The following XKR3 variants were observed in gnomAD, a reference collection of about 807,000 sequenced individuals.
XKR3 encodes XK related 3, also known as XK-related protein 3.
A neutral mutation model predicts 40.3 loss-of-function variants in XKR3; 27 were observed. The ratio of observed to expected loss-of-function variants is 0.67; its 90% CI spans 0.49 to 0.92. The LOEUF (loss-of-function observed/expected upper bound fraction) is 0.92. XKR3 is among the 40% of genes least tolerant of loss of function. XKR3 has a pLI of 0.00. For missense variants in XKR3, 472 were observed against 537.6 expected, an observed-to-expected ratio of 0.88 and a Z score of 1.21; for synonymous variants, 193 against 195.4, an observed-to-expected ratio of 0.99 and a Z score of 0.10.
intron 3 of XKR3, among the ~76,000 whole-genome samples, chr22:16,788,188 G>A (rs1253951221): frequency 6.6e-6 from 1 of 151,988 alleles, no homozygotes; most frequent in Non-Finnish European, 1.5e-5. Context: ...ACATACTCCT[G>A]AACAACCAGT....
intron 1 of XKR3, among the ~76,000 whole-genome samples, chr22:16,823,398 C>T (rs1437912687): frequency 6.6e-6 from 1 of 152,124 alleles, no homozygotes; most frequent in East Asian, 1.9e-4. Context: ...CTTAGAAACA[C>T]AGAATTGACA....
At chr22:16,794,302 G>A (rs1333860692) in intron 3 of XKR3, among the ~76,000 whole-genome samples, 3 of 151,820 alleles carry the variant, frequency 2.0e-5, no homozygotes, top group Non-Finnish European at 4.4e-5. Flanking sequence ...ACAAAAGAAA[G>A]GAAACAAACA....
chr22:16,799,914 A>G lies in XKR3; in HGVS notation c.446T>C (p.Ile149Thr). The change falls in exon 3 of 4, where the codon ATT (isoleucine) becomes ACT (threonine). Residue 149 changes from isoleucine (I) to threonine (T), a missense_variant. Transcript: ENST00000684488. ...TKRNTMLERE[I>T]AFSIRDNFMQ... ...GAAATTATCCCGGATTGAGAATGCA[A>G]TCTCCCTTTCCAGCATCGTGTTTCT... is the stretch of plus-strand genomic sequence containing the variant. 1.9e-6 allele frequency: 3 copies of G among 1,614,084 alleles called. No homozygotes were observed. Among genetic ancestry groups the G allele is most frequent in the Non-Finnish European group, 2.5e-6 (3 of 1,180,004 alleles).
chr22:16,824,930 G>C (rs2060268063), intron 1 of XKR3, among the ~76,000 whole-genome samples: 1 of 152,194 alleles, frequency 6.6e-6, no homozygotes, highest in Non-Finnish European at 1.5e-5. Context: ...TTGTGATTAA[G>C]TGAACTTGTT....
intron 1 of XKR3, among the ~76,000 whole-genome samples, chr22:16,823,796 G>C (rs967658490): frequency 2.1e-5 from 2 of 94,016 alleles, no homozygotes; most frequent in African/African-American, 7.1e-5. Flanking sequence ...GGGTACTCAA[G>C]TACTAAAAGG....
intron 3 of XKR3, among the ~76,000 whole-genome samples, chr22:16,785,640 G>A (rs1292798728): frequency 3.9e-5 from 6 of 152,064 alleles, no homozygotes; most frequent in African/African-American, 1.4e-4. Flanking sequence ...TGAGGTGGGT[G>A]TATCAAGAGG....
chr22:16,797,943 G>A (rs1484799640), intron 3 of XKR3, among the ~76,000 whole-genome samples: 1 of 151,918 alleles, frequency 6.6e-6, no homozygotes, highest in Non-Finnish European at 1.5e-5. Flanking sequence ...GGAGGCTGAG[G>A]TGGGTGGATA....
chr22:16,784,963 G>A (rs1279242161), intron 3 of XKR3, among the ~76,000 whole-genome samples: 1 of 152,172 alleles, frequency 6.6e-6, no homozygotes, highest in Non-Finnish European at 1.5e-5. Flanking sequence ...GACAGATTCT[G>A]CTGAGTGATG....
In XKR3 at chr22:16,783,520, C is replaced by T; in HGVS notation, c.*99G>A. 5 of 984,868 alleles carry T rather than the reference C, an allele frequency of 5.1e-6. No individual in the cohort carries two copies. Among genetic ancestry groups the T allele is most frequent in the Non-Finnish European group, 7.0e-6 (5 of 712,826 alleles). 61.0% of individuals were successfully genotyped at this position (984,868 alleles called of 1,614,324 possible). On this transcript the variant is annotated 3_prime_UTR_variant, in exon 4 of 4. Coordinates refer to ENST00000684488, the MANE Select transcript of XKR3 (RefSeq NM_001386955.1). Reference sequence around the variant, plus strand: ...AAATGAATTTTATTAGAAACCACTTCCAAGATTTTGCTGTGTATATTTTTT... The same window carrying T: ...AAATGAATTTTATTAGAAACCACTTTCAAGATTTTGCTGTGTATATTTTTT...
At chr22:16,790,456 C>T (rs1177554405) in intron 3 of XKR3, among the ~76,000 whole-genome samples, 1 of 151,288 alleles carries the variant, frequency 6.6e-6, no homozygotes, top group Non-Finnish European at 1.5e-5. Flanking sequence ...AAAAGCAAAA[C>T]AAACAAATAC....
At chr22:16,792,620 C>T (rs1454822798) in intron 3 of XKR3, among the ~76,000 whole-genome samples, 1 of 152,182 alleles carries the variant, frequency 6.6e-6, no homozygotes, top group East Asian at 1.9e-4. Context: ...GCCCACTTGT[C>T]AAATATCTAT....
Position 16,784,255 on chromosome 22 carries a change from T to C in XKR3, c.744A>G (p.Ser248=). The C allele has an allele frequency of 6.2e-7, 1 of 1,614,172 alleles. No individual in the cohort carries two copies. The highest frequency in any genetic ancestry group is 1.1e-5 in the South Asian group (1 of 91,080). ...TGAAAAATGCCAGAGTCACTACACG[T>C]GAGATAACCTCCAAAAAACGCCACA... ...VVMWRFLEVI[S]RVVTLAFFIA... Residue 248 remains serine, a synonymous_variant, in exon 4 of 4, where the codon TCA becomes TCG. Coordinates refer to ENST00000684488, the MANE Select transcript of XKR3 (RefSeq NM_001386955.1).
chr22:16,810,564 G>T (rs1337344964), intron 1 of XKR3, among the ~76,000 whole-genome samples: 2 of 151,998 alleles, frequency 1.3e-5, no homozygotes, highest in Non-Finnish European at 2.9e-5. Context: ...CTTATATTAT[G>T]TGAGTTATAT....
intron 1 of XKR3, among the ~76,000 whole-genome samples, chr22:16,813,197 T>C (rs1480506643): frequency 6.6e-6 from 1 of 151,894 alleles, no homozygotes; most frequent in Non-Finnish European, 1.5e-5. Flanking sequence ...GGCAGGAGTA[T>C]GGCGTGAACC....
intron 2 of XKR3, among the ~76,000 whole-genome samples, chr22:16,802,500 T>A (rs1041056672): frequency 6.6e-6 from 1 of 152,106 alleles, no homozygotes; most frequent in African/African-American, 2.4e-5. Flanking sequence ...TCTTTTTTTT[T>A]TCTTTTTTTG....
chr22:16,812,370 C>A (rs945165230), intron 1 of XKR3, among the ~76,000 whole-genome samples: 9 of 152,062 alleles, frequency 5.9e-5, no homozygotes, highest in African/African-American at 2.2e-4. Context: ...CATAGTATAA[C>A]ATTAGCCATT....
intron 2 of XKR3, among the ~76,000 whole-genome samples, chr22:16,800,676 T>C (rs1183482168): frequency 6.6e-6 from 1 of 152,178 alleles, no homozygotes; most frequent in Admixed American, 6.5e-5. Flanking sequence ...AACTTCAAAG[T>C]AGTCCTCAAA....
At chr22:16,811,791 G>A (rs756918326) in intron 1 of XKR3, among the ~76,000 whole-genome samples, 2 of 152,106 alleles carry the variant, frequency 1.3e-5, no homozygotes, top group Non-Finnish European at 2.9e-5. Context: ...GCAGGATCAC[G>A]AGGTCAGGAG....
In XKR3 at chr22:16,799,784, C is replaced by T. The variant is rs759752138; in HGVS notation, c.576G>A (p.Trp192Ter). 1.2e-6 allele frequency: 2 copies of T among 1,613,964 alleles called. No individual in the cohort carries two copies. The highest frequency in any genetic ancestry group is 4.5e-5 in the East Asian group (2 of 44,848). ...AACTCAACTTACCTCTATTCAAAGG[C>T]CATTCTCGTATAGTGAGACTGATAT... ...QMYISLTIREWPLNRALLMTF... is the reference protein window; with the variant it reads ...QMYISLTIRE Residue 192 changes from tryptophan to a stop codon, truncating the protein, a stop_gained, in exon 3 of 4, where the codon TGG (tryptophan) becomes TGA (stop). Coordinates refer to ENST00000684488, the MANE Select transcript of XKR3 (RefSeq NM_001386955.1). LOFTEE classifies it high-confidence loss of function.
Sources: allele counts gnomAD v4.1 joint callset (sites outside exome capture counted in the v4.1 genomes callset), GRCh38; gene constraint gnomAD v4.1.1; transcripts MANE v1.5; gene names NCBI Gene and HGNC (gene_info 2026-07-23, HGNC 2026-07-21).